Variants in SNX8 observed in about 807,000 individuals in gnomAD.
The protein encoded by SNX8 is sorting nexin 8, also known as sorting nexin-8.
In SNX8, 25 loss-of-function variants were observed where a neutral mutation model predicts 51.6. That is an observed-to-expected ratio of 0.48 (90% confidence interval 0.35 to 0.68). SNX8 has a LOEUF of 0.68. Ranked by LOEUF, SNX8 falls within the 30% of genes least tolerant of loss-of-function variation. The pLI, the probability that SNX8 is intolerant of heterozygous loss-of-function variation, is 0.00. For synonymous variants in SNX8, 324 were observed against 277.0 expected (o/e 1.17, Z -1.68); for missense variants, 695 against 624.0 (o/e 1.11, Z -1.21).
intron 3 of SNX8, among the ~76,000 whole-genome samples, chr7:2,273,761 A>G (rs1208521602): frequency 2.0e-5 from 3 of 150,120 alleles, no homozygotes; most frequent in Non-Finnish European, 3.0e-5. Context: ...AAAATTAGCC[A>G]GGCGTGGTGG....
At chr7:2,292,602 G>T (rs894519712) in intron 1 of SNX8, among the ~76,000 whole-genome samples, 4 of 151,956 alleles carry the variant, frequency 2.6e-5, no homozygotes, top group African/African-American at 4.8e-5. Context: ...TAGTAGAAAC[G>T]TGGTTTCACC....
At chr7:2,294,091 G>C (rs916140386) in intron 1 of SNX8, among the ~76,000 whole-genome samples, 1 of 151,768 alleles carries the variant, frequency 6.6e-6, no homozygotes, top group Non-Finnish European at 1.5e-5. Flanking sequence ...GTGAAACCCT[G>C]TCTCTACTAG....
chr7:2,254,055 C>T lies in SNX8; in HGVS notation c.*1001G>A, dbSNP rs1194280814. On this transcript the variant is annotated 3_prime_UTR_variant, in exon 11 of 11. Coordinates refer to ENST00000222990, the MANE Select transcript of SNX8 (RefSeq NM_013321.4). The stretch of plus-strand genomic sequence containing the variant: ...AGCCCCACAGAGCTCAGGAGAATGG[C>T]CTTCTTCATCCAGAGCAGGGAAGGG... 1.3e-5 allele frequency: 2 copies of T among 152,412 alleles called. No homozygotes were observed. Among genetic ancestry groups the T allele is most frequent in the Non-Finnish European group, 2.9e-5 (2 of 68,202 alleles). 9.4% of individuals were successfully genotyped at this position (152,412 alleles called of 1,614,324 possible). A position where few individuals can be genotyped will look rare whatever the true frequency, so the allele number is the denominator to read the frequency against.
chr7:2,323,629 T>A (rs1160716800), intron 1 of SNX8, among the ~76,000 whole-genome samples: 3 of 152,120 alleles, frequency 2.0e-5, no homozygotes, highest in Non-Finnish European at 4.4e-5. Context: ...GGCCCAGAAG[T>A]AAGACTCATT....
At chr7:2,275,008 A>G in intron 3 of SNX8, 104 bp downstream of exon 3, 1 of 809,074 alleles carries the variant, frequency 1.2e-6, no homozygotes, top group Non-Finnish European at 2.2e-6. Context: ...GCAGCCCTGC[A>G]CCTGCCCCGG....
chr7:2,324,768 C>T (rs1037206469), intron 1 of SNX8, among the ~76,000 whole-genome samples: 1 of 152,032 alleles, frequency 6.6e-6, no homozygotes, highest in African/African-American at 2.4e-5. Context: ...GGGCATTTGC[C>T]CTGTGTTATA....
chr7:2,258,957 C>A (rs1021290073), intron 7 of SNX8, among the ~76,000 whole-genome samples: 2 of 152,142 alleles, frequency 1.3e-5, no homozygotes, highest in Non-Finnish European at 2.9e-5. Flanking sequence ...GCAGCCCCCA[C>A]GGGCGAACCC....
upstream of SNX8, chr7:2,314,569 G>C (rs1295135231): frequency 3.7e-6 from 3 of 812,658 alleles, no homozygotes; most frequent in Non-Finnish European, 4.6e-6. Context: ...GGCCCGCCGC[G>C]CTCCTCGCCC....
intron 3 of SNX8, among the ~76,000 whole-genome samples, chr7:2,274,485 C>A (rs560454582): frequency 1.3e-5 from 2 of 152,236 alleles, no homozygotes; most frequent in African/African-American, 4.8e-5. Context: ...GAGCTGGCAG[C>A]CGCCATCCCA....
chr7:2,307,568 G>A (rs915737538), intron 1 of SNX8, among the ~76,000 whole-genome samples: 2 of 150,608 alleles, frequency 1.3e-5, no homozygotes, highest in Non-Finnish European at 3.0e-5. Flanking sequence ...GGAGGCGGAG[G>A]GTGCAGTGTG....
chr7:2,337,650 G>A (rs1258305588), intron 1 of SNX8, among the ~76,000 whole-genome samples: 3 of 151,982 alleles, frequency 2.0e-5, no homozygotes, highest in Non-Finnish European at 2.9e-5. Context: ...TGCCTGGAGG[G>A]AAACGTATAA....
At chr7:2,345,191 A>G (rs888321522) in intron 1 of SNX8, among the ~76,000 whole-genome samples, 24 of 152,198 alleles carry the variant, frequency 1.6e-4, no homozygotes, top group Non-Finnish European at 2.6e-4. Flanking sequence ...AAACCAAAAC[A>G]ACCTACTTTT....
chr7:2,265,504 G>A (rs1795442758), intron 5 of SNX8, among the ~76,000 whole-genome samples: 1 of 151,608 alleles, frequency 6.6e-6, no homozygotes. Flanking sequence ...AATTAGCCAG[G>A]CGTGGTGGAG....
chr7:2,274,545 T>C (rs1584688266), intron 3 of SNX8, among the ~76,000 whole-genome samples: 1 of 152,348 alleles, frequency 6.6e-6, no homozygotes, highest in East Asian at 1.9e-4. Flanking sequence ...TCTGAGGTCG[T>C]CTGCGATCTC....
intron 1 of SNX8, among the ~76,000 whole-genome samples, chr7:2,313,839 G>A (rs1310665828): frequency 6.6e-6 from 1 of 152,246 alleles, no homozygotes; most frequent in African/African-American, 2.4e-5. Context: ...AGAAAACAGA[G>A]GTCCCGAGAG....
At chr7:2,332,628 C>A (rs551901253) in intron 1 of SNX8, among the ~76,000 whole-genome samples, 1 of 151,782 alleles carries the variant, frequency 6.6e-6, no homozygotes, top group Non-Finnish European at 1.5e-5. Context: ...GTGGAGGACA[C>A]CTGTAGTCCC....
chr7:2,351,017 G>A (rs1184425756), intron 1 of SNX8, among the ~76,000 whole-genome samples: 1 of 152,176 alleles, frequency 6.6e-6, no homozygotes, highest in Non-Finnish European at 1.5e-5. Context: ...TACTCAGGAG[G>A]AGGCGGCGGG....
intron 1 of SNX8, among the ~76,000 whole-genome samples, chr7:2,338,233 C>T (rs560761744): frequency 1.6e-3 from 236 of 152,076 alleles, no homozygotes; most frequent in Non-Finnish European, 2.4e-3. Flanking sequence ...GAGGCCGAGG[C>T]GGGCGGATCA....
In SNX8 at chr7:2,303,723, A is replaced by G. The variant is rs575130496; in HGVS notation, c.94+10605T>C. On this transcript the variant is annotated intron_variant, in intron 1 of 10. Transcript: ENST00000222990. ...GGTTAAATGGATTAAGGGCGGTGCA[A>G]GATATGCTTTGTTAAACAGATCCTG... Among the ~76,000 whole-genome samples the G allele has an allele frequency of 1.1e-3, 164 of 152,172 alleles. 1 individual carries two copies. Among genetic ancestry groups the G allele is most frequent in the Non-Finnish European group, 1.2e-3 (82 of 68,026 alleles).
Sources: gnomAD v4.1 joint callset for allele counts (sites outside exome capture counted in the v4.1 genomes callset) on GRCh38, gnomAD v4.1.1 for gene constraint, MANE v1.5 for transcripts, NCBI Gene and HGNC (gene_info 2026-07-23, HGNC 2026-07-21) for gene names.